Variants in CS observed in about 807,000 individuals in gnomAD.
The protein encoded by CS is citrate synthase, mitochondrial.
Under a neutral mutation model 61.4 loss-of-function variants are expected in CS, and 13 were observed. The observed-to-expected ratio is 0.21, with a 90% CI of 0.14 to 0.34. CS has a LOEUF of 0.34. CS is among the 10% of genes least tolerant of loss of function. The pLI is 1.00. For synonymous variants in CS, 159 were observed against 215.2 expected (o/e 0.74, Z 2.29); for missense variants, 278 against 573.4 (o/e 0.48, Z 5.26).
intron 6 of CS, among the ~76,000 whole-genome samples, chr12:56,278,949 T>C (rs1872698789): frequency 6.6e-6 from 1 of 151,854 alleles, no homozygotes; most frequent in African/African-American, 2.4e-5. Context: ...AATTTTTGTA[T>C]TATTTTGTAG....
rs528537965 is a variant in CS, at chr12:56,300,241, G to A, written c.-40C>T. 2.5e-5 allele frequency: 39 copies of A among 1,543,492 alleles called. No individual in the cohort carries two copies. The South Asian group carries it at 4.2e-4, about 16-fold the overall frequency. ...GGGATCTGGTGGGGAGGTAAGAAAG[G>A]GAGAGAGCTGCGGCAGGAACAGGAG... On this transcript the variant is annotated 5_prime_UTR_variant, in exon 1 of 11. Transcript: ENST00000351328.
rs890596867 is a variant in CS at position 56,286,640 on chromosome 12, T to C, written c.48A>G (p.Ala16=). 3 of 1,613,982 alleles carry C rather than the reference T, an allele frequency of 1.9e-6. No individual in the cohort carries two copies. Among genetic ancestry groups the C allele is most frequent in the Non-Finnish European group, 1.7e-6 (2 of 1,179,888 alleles). The change falls in exon 2 of 11, where the codon GCA becomes GCG. Residue 16 remains alanine (A), a synonymous_variant. Transcript: ENST00000351328. The part of the protein sequence containing the change: ...AAARLLGTKN[A]SCLVLAARHA... ...GCCGGGCTGCAAGAACAAGACAAGA[T>C]GCATTCTGCAAAGCAAAAAAGAGAA... is the stretch of plus-strand genomic sequence containing the variant.
intron 3 of CS, among the ~76,000 whole-genome samples, chr12:56,285,456 A>T (rs1872913833): frequency 6.6e-6 from 1 of 151,974 alleles, no homozygotes; most frequent in Non-Finnish European, 1.5e-5. Context: ...CTAATTTTTT[A>T]AATTTTTCTT....
intron 1 of CS, chr12:56,291,234 A>T (rs1326537067): frequency 5.2e-6 from 6 of 1,154,918 alleles, no homozygotes; most frequent in Non-Finnish European, 6.5e-6. Context: ...AAGTGTCAGA[A>T]CTTCCTGGGA....
rs1592404518 is a variant in CS at position 56,273,522 on chromosome 12, G to A, written c.1230+65C>T. On this transcript the variant is annotated intron_variant, in intron 10 of 10. Transcript: ENST00000351328. Reference sequence around the variant, plus strand: ...CTCTGACTAGGAGTTAATTGACTTTGTGCATGGCAGATAACAATAGGGTTT... The same window carrying A: ...CTCTGACTAGGAGTTAATTGACTTTATGCATGGCAGATAACAATAGGGTTT... The A allele has an allele frequency of 6.0e-6, 9 of 1,490,456 alleles. No homozygotes were observed. The East Asian group carries it at 1.6e-4, about 26-fold the overall frequency. 92.3% of individuals were successfully genotyped at this position (1,490,456 alleles called of 1,614,324 possible).
chr12:56,278,623 G>C (rs538302831), intron 6 of CS, among the ~76,000 whole-genome samples: 1 of 151,884 alleles, frequency 6.6e-6, no homozygotes, highest in South Asian at 2.1e-4. Flanking sequence ...TGTGGTCCCA[G>C]CTACTCGGGA....
intron 1 of CS, among the ~76,000 whole-genome samples, chr12:56,299,041 C>CAA (rs112718114): frequency 6.6e-4 from 89 of 135,002 alleles, no homozygotes; most frequent in East Asian, 3.8e-3. Flanking sequence ...TATCCTGTCT[C>CAA]AAAAAAAAAA....
chr12:56,299,408 G>C (rs1157439059), intron 1 of CS, among the ~76,000 whole-genome samples: 1 of 152,196 alleles, frequency 6.6e-6, no homozygotes, highest in African/African-American at 2.4e-5. Flanking sequence ...GGGTAAGCAA[G>C]TAGTATGACG....
chr12:56,291,288 A>G, intron 1 of CS: 2 of 1,048,844 alleles, frequency 1.9e-6, no homozygotes, highest in Non-Finnish European at 2.3e-6. Context: ...GGCAGAGGTG[A>G]ATGGATAATT....
At chr12:56,286,116 T>C (rs1254232894) in intron 2 of CS, 93 bp from the exon 3 acceptor site, 1 of 954,982 alleles carries the variant, frequency 1.0e-6, no homozygotes, top group Non-Finnish European at 1.7e-6. Context: ...TTTTAGAAGC[T>C]GGCTTTATCT....
At chr12:56,289,922 T>C (rs1873063703) in intron 1 of CS, among the ~76,000 whole-genome samples, 1 of 151,970 alleles carries the variant, frequency 6.6e-6, no homozygotes, top group South Asian at 2.1e-4. Context: ...TGAGACCGAG[T>C]CTTGCTCTGT....
chr12:56,275,096 C>G lies in CS; in HGVS notation c.824G>C (p.Ser275Thr). Residue 275 changes from serine (S) to threonine (T), a missense_variant, in exon 8 of 11, where the codon AGC becomes ACC. Physicochemically the swap from Ser to Thr is moderately conservative, Grantham distance 58. Around this residue, in one of 2 missense-constraint regions of CS, gnomAD observed 223 missense variants for 503.5 expected, o/e 0.44. Coordinates refer to ENST00000351328, the MANE Select transcript of CS (RefSeq NM_004077.3). ...HEGGNVSAHT[S>T]HLVGSALSDP... is the part of the protein sequence containing the mutation. ...GGAAAGGGCACTGCCCACCAAATGG[C>G]TGGTATGGGCACTTACATTGCCACC... The G allele has an allele frequency of 6.2e-7, 1 of 1,614,192 alleles. No individual in the cohort carries two copies. Among genetic ancestry groups the G allele is most frequent in the South Asian group, 1.1e-5 (1 of 91,088 alleles).
chr12:56,275,273 G>A (rs1473315249), intron 7 of CS, 142 bp from the exon 8 acceptor site: 2 of 977,196 alleles, frequency 2.0e-6, no homozygotes, highest in African/African-American at 3.2e-5. Context: ...CTAAACTCTT[G>A]TAAAAGACAT....
intron 1 of CS, among the ~76,000 whole-genome samples, chr12:56,289,191 C>A (rs1018082841): frequency 1.3e-5 from 2 of 152,202 alleles, no homozygotes; most frequent in Non-Finnish European, 2.9e-5. Context: ...CATGGGCAAA[C>A]AGGAAGCTGA....
At chr12:56,291,277 AG>A in intron 1 of CS, 1 of 1,090,148 alleles carries the variant, frequency 9.2e-7, no homozygotes, top group South Asian at 2.0e-5. Context: ...GTCAAGCCTG[AG>A]GCAGAGGTGA....
intron 1 of CS, among the ~76,000 whole-genome samples, chr12:56,289,300 C>A (rs1488332151): frequency 6.6e-6 from 1 of 152,134 alleles, no homozygotes; most frequent in Non-Finnish European, 1.5e-5. Flanking sequence ...CAGAGTTAAC[C>A]TTGTTCAAGC....
At chr12:56,278,985 G>C (rs560616458) in intron 6 of CS, among the ~76,000 whole-genome samples, 148 of 152,128 alleles carry the variant, frequency 9.7e-4, no homozygotes, top group African/African-American at 3.3e-3. Flanking sequence ...ATGTTGGCCA[G>C]ACTGGTCTTG....
At chr12:56,294,706 A>G (rs1455118743) in intron 1 of CS, among the ~76,000 whole-genome samples, 1 of 151,642 alleles carries the variant, frequency 6.6e-6, no homozygotes, top group Non-Finnish European at 1.5e-5. Context: ...AGCTGGGATT[A>G]TAGGTGCCTG....
chr12:56,285,256 AT>A (rs901719714), intron 3 of CS: 14 of 446,774 alleles, frequency 3.1e-5, no homozygotes, highest in African/African-American at 6.1e-5. Context: ...TGGAAATGAA[AT>A]TTTTTAAGTT....
Sources: allele counts gnomAD v4.1 joint callset (sites outside exome capture counted in the v4.1 genomes callset), GRCh38; gene constraint gnomAD v4.1.1; regional missense constraint gnomAD v4.1.1; transcripts MANE v1.5; gene names NCBI Gene and HGNC (gene_info 2026-07-23, HGNC 2026-07-21).